The following PALM2AKAP2 variants were observed in gnomAD, a reference collection of about 807,000 sequenced individuals.
PALM2AKAP2 encodes PALM2 and AKAP2 fusion.
Under a neutral mutation model 71.5 loss-of-function variants are expected in PALM2AKAP2, and 37 were observed. That is an observed-to-expected ratio of 0.52 (90% CI 0.40 to 0.68). The LOEUF is 0.68. PALM2AKAP2 is among the 30% of genes least tolerant of loss of function. The pLI, the probability that PALM2AKAP2 is intolerant of heterozygous loss-of-function variation, is 0.00. For missense variants in PALM2AKAP2, 1,224 were observed against 1,191.8 expected, an observed-to-expected ratio of 1.03 and a Z score of -0.40; for synonymous variants, 468 against 478.8, an observed-to-expected ratio of 0.98 and a Z score of 0.29.
intron 1 of PALM2AKAP2, among the ~76,000 whole-genome samples, chr9:109,684,152 A>G (rs1161706338): frequency 6.6e-6 from 1 of 152,002 alleles, no homozygotes; most frequent in Non-Finnish European, 1.5e-5. Flanking sequence ...GGTGTGGCAA[A>G]CTCTGTGTAG....
chr9:110,031,213 C>T (rs1166569382), intron 7 of PALM2AKAP2, among the ~76,000 whole-genome samples: 7 of 152,220 alleles, frequency 4.6e-5, no homozygotes. Context: ...ACCTCCACCT[C>T]CCAGGTTCAA....
intron 6 of PALM2AKAP2, among the ~76,000 whole-genome samples, chr9:109,972,327 G>A (rs556345218): frequency 6.4e-4 from 97 of 152,286 alleles, no homozygotes; most frequent in Non-Finnish European, 1.1e-3. Context: ...TTACCATTCC[G>A]TTGTCTTGAG....
At chr9:110,064,810 C>T (rs1407541630) in intron 1 of PALM2AKAP2, among the ~76,000 whole-genome samples, 1 of 152,144 alleles carries the variant, frequency 6.6e-6, no homozygotes, top group Non-Finnish European at 1.5e-5. Context: ...TCGGTGGCCC[C>T]GTGATAAGGG....
At chr9:109,945,486 G>A (rs1057440287) in intron 6 of PALM2AKAP2, 4 of 152,162 alleles carry the variant, frequency 2.6e-5, no homozygotes, top group African/African-American at 7.2e-5. Context: ...TCCTGAGTAC[G>A]TGGTCACTGA....
chr9:110,151,260 A>G (rs1164036191), intron 2 of PALM2AKAP2, among the ~76,000 whole-genome samples: 1 of 152,200 alleles, frequency 6.6e-6, no homozygotes, highest in East Asian at 1.9e-4. Context: ...TATGTTAACC[A>G]GGCTGGTCTC....
chr9:109,829,876 C>T (rs1380285079), intron 1 of PALM2AKAP2, among the ~76,000 whole-genome samples: 1 of 152,038 alleles, frequency 6.6e-6, no homozygotes, highest in Non-Finnish European at 1.5e-5. Context: ...GACATTTAAC[C>T]TGAGTTCAGT....
intron 3 of PALM2AKAP2, among the ~76,000 whole-genome samples, chr9:110,164,153 A>C (rs541651576): frequency 2.2e-4 from 33 of 152,322 alleles, no homozygotes; most frequent in African/African-American, 7.9e-4. Flanking sequence ...GGAGGATGGC[A>C]GTTTGAGAAT....
chr9:109,713,355 T>G (rs923558824), intron 1 of PALM2AKAP2, among the ~76,000 whole-genome samples: 4 of 152,166 alleles, frequency 2.6e-5, no homozygotes, highest in African/African-American at 9.7e-5. Context: ...TCCTAAAGTG[T>G]GGGCATCAAC....
intron 6 of PALM2AKAP2, among the ~76,000 whole-genome samples, chr9:109,999,446 C>A (rs1265952523): frequency 6.6e-6 from 1 of 151,988 alleles, no homozygotes; most frequent in Admixed American, 6.6e-5. Flanking sequence ...TCTAGTCCAC[C>A]CATGTGGTTC....
intron 3 of PALM2AKAP2, among the ~76,000 whole-genome samples, chr9:109,900,738 C>T (rs1373013820): frequency 6.6e-6 from 1 of 152,160 alleles, no homozygotes; most frequent in Non-Finnish European, 1.5e-5. Context: ...TCAGAGATTT[C>T]CTGAAGCTTC....
chr9:109,916,514 G>A (rs1304741900), intron 3 of PALM2AKAP2, among the ~76,000 whole-genome samples: 1 of 152,244 alleles, frequency 6.6e-6, no homozygotes, highest in Non-Finnish European at 1.5e-5. Context: ...ACCCAAAAAG[G>A]CCACACAAGG....
At chr9:110,118,258 T>C in intron 1 of PALM2AKAP2, among the ~76,000 whole-genome samples, 1 of 151,614 alleles carries the variant, frequency 6.6e-6, no homozygotes, top group Non-Finnish European at 1.5e-5. Flanking sequence ...AATTTAATTT[T>C]GGTTTTTGAG....
chr9:110,156,546 G>A (rs535919951), intron 3 of PALM2AKAP2, 49 bp downstream of exon 9: 7 of 1,517,410 alleles, frequency 4.6e-6, no homozygotes, highest in Admixed American at 4.0e-5. Flanking sequence ...GCGGCCATCG[G>A]TGTGGCGTGT....
rs141202860 is a variant in PALM2AKAP2 at position 109,869,212 on chromosome 9, T to C, written c.126+1641T>C. 2.9e-3 allele frequency among the ~76,000 whole-genome samples: 435 copies of C among 152,322 alleles called. 2 individuals are homozygous for C. Among genetic ancestry groups the C allele is most frequent in the African/African-American group, 9.9e-3 (412 of 41,574 alleles). On this transcript the variant is annotated intron_variant, in intron 2 of 9. Transcript: ENST00000302798. ...ATGTCAAAACATCAAGGGATTTTTTTTCTTTGGTCTCCCTTCTCATGATCC... is the reference window on the plus strand; with the variant it reads ...ATGTCAAAACATCAAGGGATTTTTTCTCTTTGGTCTCCCTTCTCATGATCC...
chr9:110,042,254 C>T (rs1023250533), intron 7 of PALM2AKAP2, among the ~76,000 whole-genome samples: 2 of 152,228 alleles, frequency 1.3e-5, no homozygotes, highest in Middle Eastern at 3.4e-3. Context: ...TGGAGAAACC[C>T]GGTCTCTACT....
intron 6 of PALM2AKAP2, among the ~76,000 whole-genome samples, chr9:110,006,696 C>T (rs968784818): frequency 2.0e-5 from 3 of 151,858 alleles, no homozygotes; most frequent in South Asian, 2.1e-4. Context: ...TTAATGAGAA[C>T]GAGAGAGAAA....
intron 7 of PALM2AKAP2, among the ~76,000 whole-genome samples, chr9:110,018,320 A>C (rs1833017900): frequency 6.6e-6 from 1 of 152,098 alleles, no homozygotes; most frequent in Admixed American, 6.6e-5. Flanking sequence ...GTTGAGCAAA[A>C]TAGAAATTTA....
intron 1 of PALM2AKAP2, among the ~76,000 whole-genome samples, chr9:110,071,422 T>C (rs1383718396): frequency 1.3e-5 from 2 of 152,214 alleles, no homozygotes; most frequent in Non-Finnish European, 1.5e-5. Context: ...TTTACATTGG[T>C]AAAGATCTTC....
chr9:109,919,154 C>A (rs757399751), intron 3 of PALM2AKAP2, among the ~76,000 whole-genome samples: 2 of 152,120 alleles, frequency 1.3e-5, no homozygotes, highest in Non-Finnish European at 2.9e-5. Flanking sequence ...TTTTAGAATC[C>A]CCTGTAGTGC....
Sources: gnomAD v4.1 joint callset for allele counts (sites outside exome capture counted in the v4.1 genomes callset) on GRCh38, gnomAD v4.1.1 for gene constraint, MANE v1.5 for transcripts, NCBI Gene and HGNC (gene_info 2026-07-23, HGNC 2026-07-21) for gene names.